ATP6V0D1: variants seen among roughly 807,000 people sequenced by gnomAD.
ATP6V0D1 encodes the protein ATPase H+ transporting V0 subunit d1, also known as V-type proton ATPase subunit d 1.
ATP6V0D1 carries 13 observed loss-of-function variants against 39.0 expected under a neutral mutation model. That is an observed-to-expected ratio of 0.33 (90% CI 0.22 to 0.53). The LOEUF (loss-of-function observed/expected upper bound fraction) is 0.53. ATP6V0D1 is among the 20% of genes least tolerant of loss of function. The pLI is 0.94. For missense variants in ATP6V0D1, 272 were observed against 470.9 expected, an observed-to-expected ratio of 0.58 and a Z score of 3.91; for synonymous variants, 191 against 191.2, an observed-to-expected ratio of 1.00 and a Z score of 0.01.
At chr16:67,472,727 G>A (rs148959524) in intron 1 of ATP6V0D1, among the ~76,000 whole-genome samples, 212 of 152,174 alleles carry the variant, frequency 1.4e-3, no homozygotes, top group African/African-American at 4.7e-3. Flanking sequence ...AAAATTTGCC[G>A]GGCGTGGTGG....
At chr16:67,477,821 C>T (rs1021569765) in intron 1 of ATP6V0D1, among the ~76,000 whole-genome samples, 4 of 152,064 alleles carry the variant, frequency 2.6e-5, no homozygotes, top group Admixed American at 1.3e-4. Flanking sequence ...TACAGGCACC[C>T]GCCACCACAC....
At chr16:67,472,646 T>C (rs1314550582) in intron 1 of ATP6V0D1, among the ~76,000 whole-genome samples, 2 of 152,126 alleles carry the variant, frequency 1.3e-5, no homozygotes, top group Non-Finnish European at 2.9e-5. Context: ...GACGGGAGGA[T>C]CACGAGGTCA....
intron 3 of ATP6V0D1, 116 bp from the exon 4 acceptor site, chr16:67,443,294 T>C (rs1325776706): frequency 1.9e-6 from 2 of 1,027,980 alleles, no homozygotes; most frequent in African/African-American, 1.6e-5. Flanking sequence ...GGCTGGGTAT[T>C]GAGGGGTCCC....
chr16:67,472,558 A>C (rs972430301), intron 1 of ATP6V0D1, among the ~76,000 whole-genome samples: 1 of 152,234 alleles, frequency 6.6e-6, no homozygotes, highest in Non-Finnish European at 1.5e-5. Flanking sequence ...TTGACAAACA[A>C]AATGAAATGT....
intron 1 of ATP6V0D1, among the ~76,000 whole-genome samples, chr16:67,458,610 G>A (rs2041262734): frequency 6.6e-6 from 1 of 152,172 alleles, no homozygotes; most frequent in Admixed American, 6.5e-5. Context: ...TCCCATCCAT[G>A]GCCCAACAAC....
In ATP6V0D1 at chr16:67,447,124, A is replaced by T. The variant is rs1471858271; in HGVS notation, c.303-2418T>A. Reference sequence around the variant, plus strand: ...CGCCCCCCACTCAGGGCATCTGTTTATGTGGGGGAAATGCTGAGCCTAGTA... The same window carrying T: ...CGCCCCCCACTCAGGGCATCTGTTTTTGTGGGGGAAATGCTGAGCCTAGTA... On this transcript the variant is annotated intron_variant, in intron 2 of 7. Coordinates refer to ENST00000290949, the MANE Select transcript of ATP6V0D1 (RefSeq NM_004691.5). This position sits in a 1 kb window ranked among gnomAD's most constrained non-coding sequence, Gnocchi z 4.1. 6.6e-6 allele frequency among the ~76,000 whole-genome samples: 1 copy of T among 152,016 alleles called. No homozygotes were observed. The highest frequency in any genetic ancestry group is 1.5e-5 in the Non-Finnish European group (1 of 68,000).
chr16:67,477,113 C>A (rs949639728), intron 1 of ATP6V0D1, among the ~76,000 whole-genome samples: 1 of 141,974 alleles, frequency 7.0e-6, no homozygotes, highest in East Asian at 2.0e-4. Context: ...AAAATCTGAG[C>A]AAGCCTCTAG....
chr16:67,465,566 G>T (rs1035775525), intron 1 of ATP6V0D1, among the ~76,000 whole-genome samples: 1 of 152,222 alleles, frequency 6.6e-6, no homozygotes, highest in South Asian at 2.1e-4. Flanking sequence ...AGACCCATGG[G>T]TTCATAGCAC....
chr16:67,448,314 C>G (rs1048904909), intron 2 of ATP6V0D1, among the ~76,000 whole-genome samples: 1 of 150,808 alleles, frequency 6.6e-6, no homozygotes, highest in African/African-American at 2.5e-5. Context: ...GATCATGCCA[C>G]TGCACTCCAG....
At chr16:67,466,271 G>A (rs1042205002) in intron 1 of ATP6V0D1, among the ~76,000 whole-genome samples, 2 of 148,574 alleles carry the variant, frequency 1.3e-5, no homozygotes, top group Admixed American at 6.8e-5. Flanking sequence ...ACCTGCGGTC[G>A]AGGGCTCGAG....
chr16:67,472,392 C>A (rs1005636403), intron 1 of ATP6V0D1, among the ~76,000 whole-genome samples: 3 of 152,174 alleles, frequency 2.0e-5, no homozygotes, highest in South Asian at 2.1e-4. Context: ...CCCCAGCCCC[C>A]AGCTCCTCTC....
intron 2 of ATP6V0D1, among the ~76,000 whole-genome samples, chr16:67,449,657 C>T (rs1465266837): frequency 6.6e-6 from 1 of 152,252 alleles, no homozygotes; most frequent in East Asian, 1.9e-4. Flanking sequence ...TTCTCTATCC[C>T]CACCTGATCC....
Position 67,457,528 on chromosome 16 carries a change from C to T in ATP6V0D1, c.131-3813G>A, listed in dbSNP as rs201417632. ...GGAGAAGCCAGGGCATGCCTTCTTC[C>T]CCTCCTCGGAGGCAGCCTGAACACT... On this transcript the variant is annotated intron_variant, in intron 1 of 7. Coordinates refer to ENST00000290949, the MANE Select transcript of ATP6V0D1 (RefSeq NM_004691.5). 795 of 1,268,504 alleles carry T rather than the reference C, an allele frequency of 6.3e-4. 3 individuals carry two copies. The highest frequency in any genetic ancestry group is 8.6e-4 in the Middle Eastern group (4 of 4,634). 78.6% of individuals were successfully genotyped at this position (1,268,504 alleles called of 1,614,324 possible).
rs771582761 is a variant in ATP6V0D1, at chr16:67,438,582, T to C, written c.1002A>G (p.Glu334=). 6.2e-7 allele frequency: 1 copy of C among 1,613,468 alleles called. No individual in the cohort carries two copies. The highest frequency in any genetic ancestry group is 1.1e-5 in the South Asian group (1 of 91,044). Residue 334 remains glutamate, a synonymous_variant, in exon 8 of 8, where the codon GAA becomes GAG. Transcript: ENST00000290949. ...QECRNIVWIA[E]CIAQRHRAKI... is the part of the protein sequence containing the mutation. Reference sequence around the variant, plus strand: ...TGGCGCGGTGGCGCTGGGCGATACATTCAGCGATCCACACGATGTTGCGAC... The same window carrying C: ...TGGCGCGGTGGCGCTGGGCGATACACTCAGCGATCCACACGATGTTGCGAC...
chr16:67,461,376 T>C (rs1187625891), intron 1 of ATP6V0D1, among the ~76,000 whole-genome samples: 1 of 152,116 alleles, frequency 6.6e-6, no homozygotes, highest in Non-Finnish European at 1.5e-5. Flanking sequence ...ATCAGCAAGA[T>C]CATAGAGAGC....
At chr16:67,448,134 T>TAAGAG (rs1466382368) in intron 2 of ATP6V0D1, among the ~76,000 whole-genome samples, 1 of 152,102 alleles carries the variant, frequency 6.6e-6, no homozygotes. Flanking sequence ...GAGGCTCTCT[T>TAAGAG]AGCTCAGGAG....
rs1421646868 is a variant in ATP6V0D1 at position 67,481,062 on chromosome 16, A to C, written c.25T>G (p.Phe9Val). ...TCCAAGTAGCCATTGTCCACGTTAA[A>C]GTAAAGCTCCGGGAAGAACGACATG... MSFFPELY[F>V]NVDNGYLEGL... The change falls in exon 1 of 8, where the codon TTT becomes GTT. Residue 9 changes from phenylalanine to valine, a missense_variant. By Grantham distance (50) the Phe-to-Val change is conservative. Transcript: ENST00000290949. 2 of 1,614,178 alleles carry C rather than the reference A, an allele frequency of 1.2e-6. No homozygotes were observed. Among genetic ancestry groups the C allele is most frequent in the Non-Finnish European group, 1.7e-6 (2 of 1,179,978 alleles).
At chr16:67,464,306 G>A (rs915930252) in intron 1 of ATP6V0D1, among the ~76,000 whole-genome samples, 2 of 152,194 alleles carry the variant, frequency 1.3e-5, no homozygotes, top group Non-Finnish European at 2.9e-5. Flanking sequence ...GTGAACAAAT[G>A]GAAGAATAGA....
intron 2 of ATP6V0D1, among the ~76,000 whole-genome samples, chr16:67,449,830 T>A (rs752974274): frequency 2.6e-5 from 4 of 152,184 alleles, no homozygotes; most frequent in Non-Finnish European, 5.9e-5. Flanking sequence ...CAGGTACTGG[T>A]TATGTGTGCG....
Sources: allele counts gnomAD v4.1 joint callset (sites outside exome capture counted in the v4.1 genomes callset), GRCh38; gene constraint gnomAD v4.1.1; non-coding constraint Gnocchi (gnomAD v3.1); transcripts MANE v1.5; gene names NCBI Gene and HGNC (gene_info 2026-07-23, HGNC 2026-07-21).